The following SLC35F3 variants were observed in gnomAD, a reference collection of about 807,000 sequenced individuals.
SLC35F3 encodes the protein putative thiamine transporter SLC35F3.
A neutral mutation model predicts 49.9 loss-of-function variants in SLC35F3; 25 were observed. The observed-to-expected ratio is 0.50, with a 90% CI of 0.37 to 0.70. The LOEUF (loss-of-function observed/expected upper bound fraction) is 0.70. Among genes scored for constraint, SLC35F3 ranks in the 30% least tolerant of loss-of-function variants. SLC35F3 has a pLI of 0.00. For synonymous variants in SLC35F3, 275 were observed against 265.4 expected, an observed-to-expected ratio of 1.04 and a Z score of -0.35; for missense variants, 525 against 639.8, an observed-to-expected ratio of 0.82 and a Z score of 1.94.
At chr1:233,964,427 C>T (rs575273200) in intron 2 of SLC35F3, among the ~76,000 whole-genome samples, 2 of 152,324 alleles carry the variant, frequency 1.3e-5, no homozygotes, top group Admixed American at 6.5e-5. Flanking sequence ...CTGGAGCTTT[C>T]CCAATGCCAG....
rs1366291930 is a variant in SLC35F3 at position 234,323,047 on chromosome 1, T to G, written c.1277T>G (p.Val426Gly). ...ACCAGTCAGATCGTCTTCAATGGGGTCCGGGTCATCGCCATCATCATCATC... is the reference window on the plus strand; with the variant it reads ...ACCAGTCAGATCGTCTTCAATGGGGGCCGGGTCATCGCCATCATCATCATC... ...HYTSQIVFNG[V>G]RVIAIIIIGL... is the part of the protein sequence containing the mutation. The change falls in exon 8 of 8, where the codon GTC becomes GGC. Residue 426 changes from valine (V) to glycine (G), a missense_variant. Around this residue, in one of 4 missense-constraint regions of SLC35F3, gnomAD observed 76 missense variants for 95.6 expected, o/e 0.80. Coordinates refer to ENST00000366618, the MANE Select transcript of SLC35F3 (RefSeq NM_173508.4). This position sits in a 1 kb window ranked among gnomAD's most constrained non-coding sequence, Gnocchi z 4.5. The G allele has an allele frequency of 6.2e-7, 1 of 1,613,844 alleles. No individual in the cohort carries two copies. The highest frequency in any genetic ancestry group is 8.5e-7 in the Non-Finnish European group (1 of 1,180,042).
chr1:234,228,914 G>A (rs1057052556), intron 2 of SLC35F3, among the ~76,000 whole-genome samples: 2 of 152,148 alleles, frequency 1.3e-5, no homozygotes, highest in Admixed American at 6.5e-5. Flanking sequence ...GAGGTGTGAC[G>A]TGTTTAGCAG....
At chr1:234,295,187 C>T (rs1287789393) in intron 3 of SLC35F3, among the ~76,000 whole-genome samples, 1 of 152,246 alleles carries the variant, frequency 6.6e-6, no homozygotes, top group Non-Finnish European at 1.5e-5. Context: ...TCCTGCTCCT[C>T]TGAGAAAGGC....
At chr1:234,259,596 C>T (rs1025918804) in intron 3 of SLC35F3, among the ~76,000 whole-genome samples, 5 of 152,064 alleles carry the variant, frequency 3.3e-5, no homozygotes, top group Non-Finnish European at 7.4e-5. Flanking sequence ...ATTGCTTGAA[C>T]CCAGGAGGCA....
chr1:234,128,441 C>T (rs536527413), intron 2 of SLC35F3, among the ~76,000 whole-genome samples: 2 of 152,180 alleles, frequency 1.3e-5, no homozygotes, highest in Admixed American at 1.3e-4. Context: ...AAGGTGCTGG[C>T]CAGTTGCATG....
intron 3 of SLC35F3, among the ~76,000 whole-genome samples, chr1:234,267,805 C>G (rs1486911307): frequency 7.0e-6 from 1 of 143,068 alleles, no homozygotes; most frequent in African/African-American, 2.7e-5. Flanking sequence ...AGACGCTCCT[C>G]ACCTCCCAGA....
At chr1:234,137,469 G>A (rs1665828456) in intron 2 of SLC35F3, among the ~76,000 whole-genome samples, 1 of 152,156 alleles carries the variant, frequency 6.6e-6, no homozygotes, top group Admixed American at 6.5e-5. Context: ...AGCTTGTGTT[G>A]GGGGCAGAAG....
chr1:234,156,339 C>T (rs560384779), intron 2 of SLC35F3, among the ~76,000 whole-genome samples: 7 of 152,282 alleles, frequency 4.6e-5, no homozygotes, highest in African/African-American at 1.4e-4. Flanking sequence ...TTCCGCGATA[C>T]GGCTGAAGCC....
intron 2 of SLC35F3, among the ~76,000 whole-genome samples, chr1:234,059,657 CATAGACAT>C (rs1664511396): frequency 6.6e-6 from 1 of 150,886 alleles, no homozygotes; most frequent in Non-Finnish European, 1.5e-5. Flanking sequence ...TAGACATAGA[CATAGACAT>C]AGACATAGAC....
chr1:234,157,802 A>G lies in SLC35F3; in HGVS notation c.284-73615A>G, dbSNP rs78515372. ...CTTAATTTTATATTGTTCTGCATTC[A>G]GACCTGATCATGACATTTCTTCACC... On this transcript the variant is annotated intron_variant, in intron 2 of 7. Transcript: ENST00000366618. Among the ~76,000 whole-genome samples the G allele has an allele frequency of 7.2e-3, 1,101 of 152,346 alleles. 17 individuals carry two copies. Among genetic ancestry groups the G allele is most frequent in the African/African-American group, 0.025 (1,043 of 41,586 alleles).
intron 2 of SLC35F3, among the ~76,000 whole-genome samples, chr1:233,993,138 T>C (rs969296695): frequency 1.4e-4 from 22 of 152,302 alleles, no homozygotes; most frequent in African/African-American, 4.1e-4. Flanking sequence ...CGGCTAATTT[T>C]ATATTTTTAG....
chr1:234,096,221 T>C (rs1665115400), intron 2 of SLC35F3, among the ~76,000 whole-genome samples: 1 of 152,192 alleles, frequency 6.6e-6, no homozygotes, highest in Admixed American at 6.5e-5. Flanking sequence ...CCTTTATCTC[T>C]GAAGGAATCA....
chr1:234,318,915 C>A lies in SLC35F3; in HGVS notation c.1119C>A (p.Asn373Lys). 1 of 1,614,016 alleles carries A rather than the reference C, an allele frequency of 6.2e-7. No homozygotes were observed. Among genetic ancestry groups the A allele is most frequent in the Non-Finnish European group, 8.5e-7 (1 of 1,179,998 alleles). The change falls in exon 6 of 8, where the codon AAC (asparagine) becomes AAA (lysine). Residue 373 changes from asparagine to lysine, a missense_variant. By Grantham distance (94) the Asn-to-Lys change is moderately conservative (BLOSUM62 0). This residue lies in a region of SLC35F3 where 216 missense variants were observed against 298.1 expected (regional missense o/e 0.72). Transcript: ENST00000366618. Reference sequence around the variant, plus strand: ...CTTTTGATGACATTCCATGGGGAAACCTTTGTGGATTTTCAGTTCTTTTAT... The same window carrying A: ...CTTTTGATGACATTCCATGGGGAAAACTTTGTGGATTTTCAGTTCTTTTAT... ...WSSFDDIPWG[N>K]LCGFSVLLLT...
At chr1:234,190,332 A>G (rs966944899) in intron 2 of SLC35F3, among the ~76,000 whole-genome samples, 2 of 152,226 alleles carry the variant, frequency 1.3e-5, no homozygotes, top group Admixed American at 1.3e-4. Flanking sequence ...GACTCACCTA[A>G]CACATAAGGA....
rs554165276 is a variant in SLC35F3 at position 234,128,030 on chromosome 1, A to G, written c.284-103387A>G. 1.6e-3 allele frequency among the ~76,000 whole-genome samples: 248 copies of G among 152,308 alleles called. 1 individual carries two copies. Among genetic ancestry groups the G allele is most frequent in the African/African-American group, 5.5e-3 (230 of 41,590 alleles). Reference sequence around the variant, plus strand: ...GGTTGGGAGCCCAGGGAGAGGACTCAGAGGGGCAAGATGATTATCAGGAGT... The same window carrying G: ...GGTTGGGAGCCCAGGGAGAGGACTCGGAGGGGCAAGATGATTATCAGGAGT... On this transcript the variant is annotated intron_variant, in intron 2 of 7. Coordinates refer to ENST00000366618, the MANE Select transcript of SLC35F3 (RefSeq NM_173508.4).
intron 3 of SLC35F3, among the ~76,000 whole-genome samples, chr1:234,270,803 A>ATGCC (rs544938092): frequency 4.6e-4 from 70 of 152,346 alleles, no homozygotes; most frequent in African/African-American, 1.5e-3. Flanking sequence ...AATTGGGATG[A>ATGCC]TGCCTGCCTG....
At chr1:234,098,173 G>T (rs970851308) in intron 2 of SLC35F3, among the ~76,000 whole-genome samples, 1 of 151,514 alleles carries the variant, frequency 6.6e-6, no homozygotes, top group Non-Finnish European at 1.5e-5. Context: ...CGGTGATGAT[G>T]GAGGTGGTGA....
intron 2 of SLC35F3, among the ~76,000 whole-genome samples, chr1:233,935,956 G>A: frequency 6.6e-6 from 1 of 152,154 alleles, no homozygotes; most frequent in East Asian, 1.9e-4. Flanking sequence ...AATTCAGTTT[G>A]TTTGCCTTTC....
intron 2 of SLC35F3, among the ~76,000 whole-genome samples, chr1:234,203,538 C>T (rs1191962884): frequency 1.3e-5 from 2 of 152,108 alleles, no homozygotes; most frequent in Non-Finnish European, 2.9e-5. Flanking sequence ...TGGTGAAACC[C>T]CATCTCTACT....
Sources: allele counts gnomAD v4.1 joint callset (sites outside exome capture counted in the v4.1 genomes callset), GRCh38; gene constraint gnomAD v4.1.1; regional missense constraint gnomAD v4.1.1; non-coding constraint Gnocchi (gnomAD v3.1); transcripts MANE v1.5; gene names NCBI Gene and HGNC (gene_info 2026-07-23, HGNC 2026-07-21).